LRRTM4: variants seen among roughly 807,000 people sequenced by gnomAD.
The protein encoded by LRRTM4 is leucine-rich repeat transmembrane neuronal protein 4.
LRRTM4 carries 25 observed loss-of-function variants against 47.6 expected under a neutral mutation model. The observed-to-expected ratio is 0.53, with a 90% confidence interval of 0.38 to 0.73. The LOEUF (loss-of-function observed/expected upper bound fraction) is 0.73. LRRTM4 is among the 30% of genes least tolerant of loss of function. LRRTM4 has a pLI of 0.00. For missense variants in LRRTM4, 638 were observed against 713.4 expected (o/e 0.89, Z 1.20); for synonymous variants, 311 against 269.5 (o/e 1.15, Z -1.51).
At chr2:77,226,496 A>C (rs1214067842) in intron 3 of LRRTM4, among the ~76,000 whole-genome samples, 1 of 149,924 alleles carries the variant, frequency 6.7e-6, no homozygotes, top group African/African-American at 2.4e-5. Context: ...TCTGTCTCTC[A>C]TTATTTTCTA....
chr2:77,119,774 A>G (rs994230837), intron 3 of LRRTM4, among the ~76,000 whole-genome samples: 3 of 151,842 alleles, frequency 2.0e-5, no homozygotes, highest in African/African-American at 4.8e-5. Context: ...CATATATATC[A>G]CTACATATCA....
At chr2:77,405,212 C>G (rs1310768292) in intron 3 of LRRTM4, among the ~76,000 whole-genome samples, 2 of 152,078 alleles carry the variant, frequency 1.3e-5, no homozygotes, top group East Asian at 3.9e-4. Context: ...CAAATTAATA[C>G]TATTCATTTT....
At chr2:77,206,563 T>A (rs1464179162) in intron 3 of LRRTM4, among the ~76,000 whole-genome samples, 1 of 151,948 alleles carries the variant, frequency 6.6e-6, no homozygotes, top group Non-Finnish European at 1.5e-5. Flanking sequence ...CTGCTCACTA[T>A]AACCTCCGCC....
intron 3 of LRRTM4, among the ~76,000 whole-genome samples, chr2:77,118,872 C>T (rs1367610757): frequency 2.0e-5 from 3 of 151,762 alleles, no homozygotes; most frequent in African/African-American, 7.2e-5. Context: ...AGACCATATA[C>T]ATTTTTGTTC....
At chr2:76,959,579 A>G (rs1235749528) in intron 3 of LRRTM4, among the ~76,000 whole-genome samples, 1 of 151,736 alleles carries the variant, frequency 6.6e-6, no homozygotes, top group Non-Finnish European at 1.5e-5. Flanking sequence ...AAGTAAAGGG[A>G]TAAAGTAGAA....
chr2:77,191,845 A>G (rs920887770), intron 3 of LRRTM4, among the ~76,000 whole-genome samples: 1 of 152,086 alleles, frequency 6.6e-6, no homozygotes, highest in Non-Finnish European at 1.5e-5. Flanking sequence ...TTAGGTAAAC[A>G]TAACTTTTTC....
chr2:77,050,852 G>A (rs1380894329), intron 3 of LRRTM4, among the ~76,000 whole-genome samples: 1 of 152,072 alleles, frequency 6.6e-6, no homozygotes, highest in African/African-American at 2.4e-5. Flanking sequence ...ATCAGCCAGA[G>A]TAAGAACTTC....
chr2:77,303,936 T>C (rs1400457913), intron 3 of LRRTM4, among the ~76,000 whole-genome samples: 1 of 152,202 alleles, frequency 6.6e-6, no homozygotes, highest in Non-Finnish European at 1.5e-5. Flanking sequence ...AGGAATCTCA[T>C]CAATATACTG....
chr2:76,987,185 CTTTT>C (rs1286474569), intron 3 of LRRTM4, among the ~76,000 whole-genome samples: 1 of 151,416 alleles, frequency 6.6e-6, no homozygotes, highest in Admixed American at 6.6e-5. Flanking sequence ...TTTATATTTT[CTTTT>C]TAAGAAGTAT....
At chr2:76,832,968 G>A (rs1671396994) in intron 3 of LRRTM4, among the ~76,000 whole-genome samples, 1 of 152,006 alleles carries the variant, frequency 6.6e-6, no homozygotes, top group African/African-American at 2.4e-5. Flanking sequence ...TGGCACACTA[G>A]ACACACTTTT....
chr2:76,850,545 A>T (rs1415299491), intron 3 of LRRTM4, among the ~76,000 whole-genome samples: 2 of 152,206 alleles, frequency 1.3e-5, no homozygotes, highest in African/African-American at 4.8e-5. Flanking sequence ...AGATTAAATG[A>T]TATGTTTAAG....
At chr2:76,804,034 A>G (rs1675838728) in intron 3 of LRRTM4, among the ~76,000 whole-genome samples, 1 of 152,122 alleles carries the variant, frequency 6.6e-6, no homozygotes, top group African/African-American at 2.4e-5. Context: ...TTACTCTGGG[A>G]CAGCCTCTTG....
chr2:76,847,186 C>A (rs1671860637), intron 3 of LRRTM4, among the ~76,000 whole-genome samples: 3 of 152,074 alleles, frequency 2.0e-5, no homozygotes, highest in South Asian at 4.1e-4. Flanking sequence ...GAAATTATAT[C>A]TTTTGGTCAT....
chr2:76,779,046 T>A (rs909216826), intron 3 of LRRTM4, among the ~76,000 whole-genome samples: 3 of 136,094 alleles, frequency 2.2e-5, no homozygotes. Flanking sequence ...AGCAGGTTGT[T>A]CAGTTTCCAT....
At chr2:77,068,663 A>T (rs1680042609) in intron 3 of LRRTM4, among the ~76,000 whole-genome samples, 3 of 152,082 alleles carry the variant, frequency 2.0e-5, no homozygotes, top group Admixed American at 2.0e-4. Context: ...ACATGGTTAG[A>T]TAATATTCCA....
intron 3 of LRRTM4, among the ~76,000 whole-genome samples, chr2:77,167,086 C>CA (rs1324673477): frequency 6.6e-6 from 1 of 151,910 alleles, no homozygotes; most frequent in Non-Finnish European, 1.5e-5. Flanking sequence ...CCAGAACCTA[C>CA]AAAAAACTTA....
chr2:77,010,423 A>G (rs200358511), intron 3 of LRRTM4, among the ~76,000 whole-genome samples: 4 of 151,054 alleles, frequency 2.6e-5, no homozygotes, highest in South Asian at 4.2e-4. Flanking sequence ...ACTTAGCATA[A>G]TGTCTTCCTG....
chr2:77,366,703 A>C (rs1447090336), intron 3 of LRRTM4, among the ~76,000 whole-genome samples: 1 of 151,896 alleles, frequency 6.6e-6, no homozygotes, highest in African/African-American at 2.4e-5. Flanking sequence ...ATGCAGTTAG[A>C]CACAGAAAAG....
At chr2:77,479,791 C>A (rs1037202774) in intron 3 of LRRTM4, among the ~76,000 whole-genome samples, 1 of 151,736 alleles carries the variant, frequency 6.6e-6, no homozygotes, top group Non-Finnish European at 1.5e-5. Context: ...CTCTCTTTCT[C>A]TTTCTCTCTC....
Sources: gnomAD v4.1 joint callset for allele counts (sites outside exome capture counted in the v4.1 genomes callset) on GRCh38, gnomAD v4.1.1 for gene constraint, MANE v1.5 for transcripts, NCBI Gene and HGNC (gene_info 2026-07-23, HGNC 2026-07-21) for gene names.